Variants in WDFY4 observed in about 807,000 individuals in gnomAD.
WDFY4 encodes the protein WDFY family member 4.
A neutral mutation model predicts 351.9 loss-of-function variants in WDFY4; 169 were observed. The ratio of observed to expected loss-of-function variants is 0.48; its 90% CI spans 0.42 to 0.55. The LOEUF is 0.55. Among genes scored for constraint, WDFY4 ranks in the 20% least tolerant of loss-of-function variants. The probability of loss-of-function intolerance (pLI) is 0.00; values close to 1 mark genes in which losing one functional copy is unlikely to be tolerated. For missense variants in WDFY4, 3,803 were observed against 3,935.6 expected (o/e 0.97, Z 0.90); for synonymous variants, 1,622 against 1,574.6 (o/e 1.03, Z -0.71).
intron 39 of WDFY4, among the ~76,000 whole-genome samples, 191 bp from the exon 40 acceptor site, chr10:48,867,074 G>A (rs1267382706): frequency 6.6e-6 from 1 of 151,978 alleles, no homozygotes; most frequent in Non-Finnish European, 1.5e-5. Context: ...GGAGGCTGAG[G>A]CAGGAGAATT....
In WDFY4 at chr10:48,795,489, C is replaced by CTG. The variant is rs1335932577; in HGVS notation, c.4258-807_4258-806dup. On this transcript the variant is annotated intron_variant, in intron 23 of 61. Coordinates refer to ENST00000325239, the MANE Select transcript of WDFY4 (RefSeq NM_001394531.1). ...TGTGGGATTTCATATATGTGTGTGT[C>CTG]TGTATATATATATATATATATATAT... is the stretch of plus-strand genomic sequence containing the variant. Among the ~76,000 whole-genome samples the CTG allele has an allele frequency of 3.0e-3, 213 of 71,636 alleles. 3 individuals carry two copies. The highest frequency in any genetic ancestry group is 0.011 in the African/African-American group (194 of 18,352). 47.0% of individuals were successfully genotyped at this position (71,636 alleles called of 152,430 possible).
At chr10:48,846,688 A>G (rs935718916) in intron 39 of WDFY4, among the ~76,000 whole-genome samples, 1 of 152,216 alleles carries the variant, frequency 6.6e-6, no homozygotes, top group Admixed American at 6.5e-5. Context: ...CCCAGTGGTG[A>G]GTCACACAGT....
intron 54 of WDFY4, 63 bp from the exon 55 acceptor site, chr10:48,966,463 A>C: frequency 6.6e-7 from 1 of 1,503,926 alleles, no homozygotes; most frequent in South Asian, 1.3e-5. Flanking sequence ...TACAGTGTGC[A>C]CAGGGACGAC....
rs562348295 is a variant in WDFY4 at position 48,949,291 on chromosome 10, G to C, written c.7977+2322G>C. Among the ~76,000 whole-genome samples the C allele has an allele frequency of 1.7e-3, 265 of 152,284 alleles. 1 individual carries two copies. Among genetic ancestry groups the C allele is most frequent in the African/African-American group, 6.0e-3 (250 of 41,540 alleles). On this transcript the variant is annotated intron_variant, in intron 51 of 61. Transcript: ENST00000325239. Reference sequence around the variant, plus strand: ...CTCTAGTGGGTCACACCTGGCCCGAGCCTTTGAACCAGCAAAAGAAAGAGC... The same window carrying C: ...CTCTAGTGGGTCACACCTGGCCCGACCCTTTGAACCAGCAAAAGAAAGAGC...
At chr10:48,872,879 A>G (rs2069837706) in intron 40 of WDFY4, among the ~76,000 whole-genome samples, 1 of 152,210 alleles carries the variant, frequency 6.6e-6, no homozygotes, top group South Asian at 2.1e-4. Flanking sequence ...ATCTCTGAAC[A>G]TTCTGGAATC....
At chr10:48,932,912 G>A (rs1840109205) in intron 47 of WDFY4, among the ~76,000 whole-genome samples, 2 of 152,144 alleles carry the variant, frequency 1.3e-5, no homozygotes, top group Non-Finnish European at 2.9e-5. Context: ...GGTGTAAGCT[G>A]GAGGTCAAGG....
In WDFY4 at chr10:48,786,755, C is replaced by T; in HGVS notation, c.3693C>T (p.Ile1231=). 1 of 1,552,388 alleles carries T rather than the reference C, an allele frequency of 6.4e-7. No homozygotes were observed. The highest frequency in any genetic ancestry group is 8.7e-7 in the Non-Finnish European group (1 of 1,147,142). The part of the protein sequence containing the change: ...PRVWKQKSSL[I]WRLGPTYLFE... The stretch of plus-strand genomic sequence containing the variant: ...TCTGGAAACAAAAGTCTTCATTAAT[C>T]TGGCGTCTTGGCCCCACATACCTCT... Residue 1231 remains isoleucine (I), a synonymous_variant, in exon 20 of 62, where the codon ATC becomes ATT. Coordinates refer to ENST00000325239, the MANE Select transcript of WDFY4 (RefSeq NM_001394531.1).
At position 48,776,648 on chromosome 10, in the gene WDFY4, A is replaced by T. The variant is rs1589580329; in HGVS notation, c.2864-102A>T. On this transcript the variant is annotated intron_variant, in intron 15 of 61. Transcript: ENST00000325239. The stretch of plus-strand genomic sequence containing the variant: ...AGGAAGTACCTGGTGACTGTGCGAA[A>T]CTCTCTTTCTGGGCTGCGGCAGATA... The T allele has an allele frequency of 3.3e-6, 4 of 1,211,300 alleles. No individual in the cohort carries two copies. In the East Asian group the frequency reaches 1.0e-4, roughly 31 times the overall value. 75.0% of individuals were successfully genotyped at this position (1,211,300 alleles called of 1,614,324 possible).
intron 32 of WDFY4, among the ~76,000 whole-genome samples, chr10:48,818,925 C>T (rs1306172900): frequency 6.6e-6 from 1 of 152,232 alleles, no homozygotes; most frequent in Non-Finnish European, 1.5e-5. Context: ...GGCGAGCCTA[C>T]AGGCTCCCCC....
intron 49 of WDFY4, 81 bp downstream of exon 49, chr10:48,943,530 C>T (rs76716285): frequency 0.013 from 19,032 of 1,439,994 alleles, 162 homozygotes; most frequent in Non-Finnish European, 0.014. Context: ...GCATGCAGAG[C>T]CTCTGCTAGG....
At chr10:48,959,620 C>A in intron 52 of WDFY4, 102 bp from the exon 53 acceptor site, 2 of 1,050,528 alleles carry the variant, frequency 1.9e-6, no homozygotes, top group Non-Finnish European at 2.9e-6. Context: ...CACGTTCAGA[C>A]CTACACAAAA....
rs61733237 is a variant in WDFY4, at chr10:48,978,340, T to A, written c.9323T>A (p.Val3108Asp). Residue 3108 changes from valine to aspartate, a missense_variant, in exon 60 of 62, where the codon GTT becomes GAT. This residue lies in a region of WDFY4 where 3,054 missense variants were observed against 3,148.6 expected (regional missense o/e 0.97). Coordinates refer to ENST00000325239, the MANE Select transcript of WDFY4 (RefSeq NM_001394531.1). ...AAGACTGAGGATGTGAAGATGTCTG[T>A]TCCTGGACGGCCAGCAGGAGAGGAG... ...VWKTEDVKMSVPGRPAGEEPP... is the reference protein window; with the variant it reads ...VWKTEDVKMSDPGRPAGEEPP... 1.3e-6 allele frequency: 2 copies of A among 1,551,312 alleles called. No individual in the cohort carries two copies. The highest frequency in any genetic ancestry group is 4.9e-5 in the East Asian group (2 of 40,904).
chr10:48,913,243 C>A (rs190862667), intron 47 of WDFY4: 4 of 746,162 alleles, frequency 5.4e-6, no homozygotes, highest in East Asian at 4.9e-5. Flanking sequence ...CAATCACACG[C>A]CGAGAAAGTA....
intron 13 of WDFY4, among the ~76,000 whole-genome samples, chr10:48,765,815 G>T (rs963706868): frequency 6.6e-6 from 1 of 152,150 alleles, no homozygotes; most frequent in Non-Finnish European, 1.5e-5. Context: ...TGCATCTCAC[G>T]TTATTTTTGG....
rs529876847 is a variant in WDFY4, at chr10:48,982,631, G to T, written c.*56G>T. The T allele has an allele frequency of 1.2e-5, 19 of 1,522,316 alleles. No individual in the cohort carries two copies. In the Admixed American group the frequency reaches 2.6e-4, roughly 21 times the overall value. The allele number at this position is 1,522,316 out of a possible 1,614,324, so 94.3% of individuals were successfully genotyped here. A position where few individuals can be genotyped will look rare whatever the true frequency, so the allele number is the denominator to read the frequency against. On this transcript the variant is annotated 3_prime_UTR_variant, in exon 62 of 62. Transcript: ENST00000325239. Reference sequence around the variant, plus strand: ...ACAGTGCCAGGCTGAGGGTGGCAGAGGTGACTGGGGCCTGAGCTCTGCCTA... The same window carrying T: ...ACAGTGCCAGGCTGAGGGTGGCAGATGTGACTGGGGCCTGAGCTCTGCCTA...
chr10:48,876,762 G>T (rs966348061), intron 42 of WDFY4, among the ~76,000 whole-genome samples: 2 of 152,226 alleles, frequency 1.3e-5, no homozygotes, highest in Non-Finnish European at 2.9e-5. Flanking sequence ...TTGCCCTGTG[G>T]TCACTGGAAG....
chr10:48,934,032 C>T (rs1245977266), intron 47 of WDFY4, among the ~76,000 whole-genome samples: 1 of 152,092 alleles, frequency 6.6e-6, no homozygotes, highest in Admixed American at 6.5e-5. Flanking sequence ...CAGTGCCTCC[C>T]ATCTCTCCCT....
Position 48,963,874 on chromosome 10 carries a change from C to T in WDFY4, c.8256C>T (p.Leu2752=), listed in dbSNP as rs1462576042. ...ALESDFVSAN[L]HHWIDLIFGY... is the part of the protein sequence containing the mutation. ...AAAGTGACTTTGTCAGTGCCAACCT[C>T]CACCATTGGATAGACCTTATTTTTG... Residue 2752 remains leucine, a synonymous_variant, in exon 54 of 62, where the codon CTC becomes CTT. Coordinates refer to ENST00000325239, the MANE Select transcript of WDFY4 (RefSeq NM_001394531.1). The T allele has an allele frequency of 1.9e-6, 3 of 1,551,626 alleles. No homozygotes were observed. In the Admixed American group the frequency reaches 5.9e-5, roughly 30 times the overall value.
At chr10:48,740,019 G>C (rs2064802385) in intron 11 of WDFY4, among the ~76,000 whole-genome samples, 1 of 152,114 alleles carries the variant, frequency 6.6e-6, no homozygotes, top group African/African-American at 2.4e-5. Flanking sequence ...GATCAGTTTT[G>C]TTTTTTAATC....
Sources: allele counts gnomAD v4.1 joint callset (sites outside exome capture counted in the v4.1 genomes callset), GRCh38; gene constraint gnomAD v4.1.1; regional missense constraint gnomAD v4.1.1; transcripts MANE v1.5; gene names NCBI Gene and HGNC (gene_info 2026-07-23, HGNC 2026-07-21).